Variants in GRM1 observed in about 807,000 individuals in gnomAD.
GRM1 encodes glutamate metabotropic receptor 1.
Under a neutral mutation model 90.9 loss-of-function variants are expected in GRM1, and 33 were observed. That is an observed-to-expected ratio of 0.36 (90% CI 0.28 to 0.49). GRM1 has a LOEUF of 0.49. Ranked by LOEUF, GRM1 falls within the 20% of genes least tolerant of loss-of-function variation. GRM1 has a pLI of 0.99. For synonymous variants in GRM1, 700 were observed against 613.2 expected, an observed-to-expected ratio of 1.14 and a Z score of -2.09; for missense variants, 1,190 against 1,534.3, an observed-to-expected ratio of 0.78 and a Z score of 3.75.
rs1290504367 is a variant in GRM1, at chr6:146,426,673, T to C, written c.2661-7199T>C. 9.2e-6 allele frequency: 10 copies of C among 1,084,026 alleles called. No individual in the cohort carries two copies. The Admixed American group carries it at 1.8e-4, about 20-fold the overall frequency. 67.2% of individuals were successfully genotyped at this position (1,084,026 alleles called of 1,614,324 possible). On this transcript the variant is annotated intron_variant, in intron 7 of 7. Coordinates refer to ENST00000282753, the MANE Select transcript of GRM1 (RefSeq NM_001278064.2). ...GAGAAGCTGCATGGAAAATCTAGTG[T>C]TTTGCCCCTTGCTTTCTCTCTCCTG...
At chr6:146,119,520 C>G (rs1775899156) in intron 1 of GRM1, among the ~76,000 whole-genome samples, 1 of 152,134 alleles carries the variant, frequency 6.6e-6, no homozygotes, top group South Asian at 2.1e-4. Context: ...TTGCCCATGC[C>G]TATGTCCTGA....
intron 2 of GRM1, among the ~76,000 whole-genome samples, chr6:146,285,004 A>G (rs1782704251): frequency 6.6e-6 from 1 of 152,170 alleles, no homozygotes; most frequent in Non-Finnish European, 1.5e-5. Flanking sequence ...AGCAAATTTA[A>G]TAGTTCATGA....
At chr6:146,078,211 A>G (rs1037386606) in intron 1 of GRM1, among the ~76,000 whole-genome samples, 1 of 152,230 alleles carries the variant, frequency 6.6e-6, no homozygotes, top group Non-Finnish European at 1.5e-5. Context: ...CATTGACAGC[A>G]TCTTCATTAT....
At chr6:146,043,618 C>G (rs903553725) in intron 1 of GRM1, among the ~76,000 whole-genome samples, 4 of 151,484 alleles carry the variant, frequency 2.6e-5, no homozygotes, top group African/African-American at 7.3e-5. Context: ...CTGTTTATCT[C>G]TTGCCTACCA....
intron 7 of GRM1, among the ~76,000 whole-genome samples, chr6:146,428,617 G>T (rs1237998648): frequency 6.6e-6 from 1 of 152,128 alleles, no homozygotes; most frequent in Non-Finnish European, 1.5e-5. Context: ...AATAATGTTT[G>T]ACCTGAAGTT....
intron 4 of GRM1, among the ~76,000 whole-genome samples, chr6:146,353,910 G>A (rs1212526173): frequency 1.3e-5 from 2 of 152,180 alleles, no homozygotes; most frequent in Non-Finnish European, 2.9e-5. Flanking sequence ...GGGATTACAG[G>A]CGTGAGCCAC....
At position 146,159,374 on chromosome 6, in the gene GRM1, G is replaced by A; in HGVS notation, c.727G>A (p.Ala243Thr). The A allele has an allele frequency of 6.2e-7, 1 of 1,613,988 alleles. No individual in the cohort carries two copies. The highest frequency in any genetic ancestry group is 8.5e-7 in the Non-Finnish European group (1 of 1,179,842). ...GAATTATGGGGAGAGCGGAATGGAC[G>A]CTTTCAAAGAGCTGGCTGCCCAGGA... is the stretch of plus-strand genomic sequence containing the variant. ...EGNYGESGMD[A>T]FKELAAQEGL... The change falls in exon 2 of 8, where the codon GCT becomes ACT. Residue 243 changes from alanine (A) to threonine (T), a missense_variant. Physicochemically the swap from Ala to Thr is moderately conservative, Grantham distance 58. Coordinates refer to ENST00000282753, the MANE Select transcript of GRM1 (RefSeq NM_001278064.2).
chr6:146,031,384 G>GT (rs745384111), intron 1 of GRM1, among the ~76,000 whole-genome samples: 27 of 152,100 alleles, frequency 1.8e-4, no homozygotes, highest in Non-Finnish European at 3.4e-4. Flanking sequence ...ATGGCTCCAT[G>GT]TTTTTTTAAT....
intron 2 of GRM1, among the ~76,000 whole-genome samples, chr6:146,204,386 T>G (rs1039240103): frequency 9.2e-5 from 14 of 152,214 alleles, no homozygotes; most frequent in Non-Finnish European, 1.6e-4. Flanking sequence ...GAAAAATCTA[T>G]TTTTATTTTT....
chr6:146,169,143 C>G (rs999680315), intron 2 of GRM1, among the ~76,000 whole-genome samples: 1 of 151,982 alleles, frequency 6.6e-6, no homozygotes, highest in African/African-American at 2.4e-5. Context: ...TTTACATTTT[C>G]AACAGTTTCT....
At chr6:146,370,810 G>A (rs1292331209) in intron 5 of GRM1, among the ~76,000 whole-genome samples, 1 of 152,020 alleles carries the variant, frequency 6.6e-6, no homozygotes, top group Non-Finnish European at 1.5e-5. Context: ...TTTGCAAAAT[G>A]TACACAATTA....
At chr6:146,271,696 A>G (rs1476766327) in intron 2 of GRM1, among the ~76,000 whole-genome samples, 1 of 152,204 alleles carries the variant, frequency 6.6e-6, no homozygotes, top group Non-Finnish European at 1.5e-5. Flanking sequence ...CCTTGTTTGT[A>G]GAAAAGGGTG....
rs112915383 is a variant in GRM1, at chr6:146,159,569, G to A, written c.922G>A (p.Val308Ile). The change falls in exon 2 of 8, where the codon GTC becomes ATC. Residue 308 changes from valine (V) to isoleucine (I), a missense_variant. Physicochemically the swap from Val to Ile is conservative, Grantham distance 29. This residue lies in a region of GRM1 where 414 missense variants were observed against 598.4 expected (regional missense o/e 0.69). Coordinates refer to ENST00000282753, the MANE Select transcript of GRM1 (RefSeq NM_001278064.2). ...GLLSAMRRLG[V>I]VGEFSLIGSD... The stretch of plus-strand genomic sequence containing the variant: ...CCTGAGCGCCATGCGGCGCCTTGGC[G>A]TCGTGGGCGAGTTCTCACTCATTGG... 5.1e-4 allele frequency: 822 copies of A among 1,613,654 alleles called. 5 individuals carry two copies. In the African/African-American group the frequency reaches 8.8e-3, roughly 17 times the overall value.
intron 3 of GRM1, among the ~76,000 whole-genome samples, chr6:146,305,197 A>T (rs1303828872): frequency 6.6e-6 from 1 of 152,046 alleles, no homozygotes; most frequent in Non-Finnish European, 1.5e-5. Context: ...AATACTGGTT[A>T]GATCCTCTTT....
chr6:146,183,336 C>T (rs1778615211), intron 2 of GRM1, among the ~76,000 whole-genome samples: 1 of 152,088 alleles, frequency 6.6e-6, no homozygotes. Context: ...TTTGGTTGTC[C>T]ATGTGCCCAA....
intron 1 of GRM1, among the ~76,000 whole-genome samples, chr6:146,038,265 A>G (rs1790964808): frequency 6.6e-6 from 1 of 151,922 alleles, no homozygotes; most frequent in South Asian, 2.1e-4. Context: ...AAGTAACTAG[A>G]AGTGGTATGG....
At chr6:146,330,988 T>C (rs1784568207) in intron 3 of GRM1, among the ~76,000 whole-genome samples, 1 of 152,118 alleles carries the variant, frequency 6.6e-6, no homozygotes, top group South Asian at 2.1e-4. Flanking sequence ...AATAATAGCA[T>C]GCCAAATTGT....
chr6:146,108,959 A>G (rs965799281), intron 1 of GRM1, among the ~76,000 whole-genome samples: 2 of 152,208 alleles, frequency 1.3e-5, no homozygotes, highest in Non-Finnish European at 2.9e-5. Flanking sequence ...ATCTGGCAGA[A>G]GAAATTTTTA....
chr6:146,196,784 GT>G (rs900325400), intron 2 of GRM1, among the ~76,000 whole-genome samples: 1 of 152,152 alleles, frequency 6.6e-6, no homozygotes, highest in African/African-American at 2.4e-5. Context: ...GCACAGGAAT[GT>G]TTAAGAGCCA....
Sources: allele counts gnomAD v4.1 joint callset (sites outside exome capture counted in the v4.1 genomes callset), GRCh38; gene constraint gnomAD v4.1.1; regional missense constraint gnomAD v4.1.1; transcripts MANE v1.5; gene names NCBI Gene and HGNC (gene_info 2026-07-23, HGNC 2026-07-21).